EBF1: variants seen among roughly 807,000 people sequenced by gnomAD.
EBF1 encodes the protein transcription factor COE1.
A neutral mutation model predicts 68.4 loss-of-function variants in EBF1; 10 were observed. That is an observed-to-expected ratio of 0.15 (90% CI 0.09 to 0.25). The LOEUF is 0.25. EBF1 is among the 10% of genes least tolerant of loss of function. The pLI is 1.00. For synonymous variants in EBF1, 298 were observed against 299.8 expected (o/e 0.99, Z 0.06); for missense variants, 509 against 794.4 (o/e 0.64, Z 4.32).
intron 8 of EBF1, among the ~76,000 whole-genome samples, chr5:158,803,691 T>C (rs936606482): frequency 6.6e-6 from 1 of 151,794 alleles, no homozygotes. Flanking sequence ...AACAAACAAA[T>C]TTGACAGTTT....
At position 159,035,459 on chromosome 5, in the gene EBF1, G is replaced by A. The variant is rs76318710; in HGVS notation, c.554+37937C>T. ...GTTAAGTTATCAGCAGAAATTTGAC[G>A]TTATAAATCACAGGATTGAAGGATC... On this transcript the variant is annotated intron_variant, in intron 6 of 15. Transcript: ENST00000313708. Among the ~76,000 whole-genome samples, 1,195 of 152,296 alleles carry A rather than the reference G, an allele frequency of 7.8e-3. 21 individuals carry two copies. Among genetic ancestry groups the A allele is most frequent in the African/African-American group, 0.027 (1,127 of 41,568 alleles).
intron 6 of EBF1, among the ~76,000 whole-genome samples, chr5:158,959,692 A>T (rs1225390730): frequency 6.6e-6 from 1 of 152,168 alleles, no homozygotes; most frequent in Non-Finnish European, 1.5e-5. Context: ...TACTTTCAAG[A>T]TAGAAAGACT....
chr5:158,876,506 G>A (rs1018009731), intron 6 of EBF1, among the ~76,000 whole-genome samples: 1 of 152,176 alleles, frequency 6.6e-6, no homozygotes, highest in Non-Finnish European at 1.5e-5. Flanking sequence ...CGGTCTCACT[G>A]AGCCTGCTGC....
intron 6 of EBF1, among the ~76,000 whole-genome samples, chr5:158,907,296 T>C (rs1167881257): frequency 6.6e-6 from 1 of 152,218 alleles, no homozygotes; most frequent in Non-Finnish European, 1.5e-5. Flanking sequence ...TATGGTGTTC[T>C]TAGCTCTAAA....
chr5:159,096,856 C>T (rs1782715352), intron 2 of EBF1, 118 bp downstream of exon 2: 3 of 1,329,162 alleles, frequency 2.3e-6, no homozygotes, highest in African/African-American at 1.5e-5. Flanking sequence ...TGGGGGACCC[C>T]CACATAGAAG....
chr5:159,026,203 TA>T (rs1767688444), intron 6 of EBF1, among the ~76,000 whole-genome samples: 1 of 152,136 alleles, frequency 6.6e-6, no homozygotes, highest in Non-Finnish European at 1.5e-5. Context: ...TTCACAACCC[TA>T]AAAGGTCATG....
chr5:158,882,814 C>A (rs865931505), intron 6 of EBF1, among the ~76,000 whole-genome samples: 1 of 152,206 alleles, frequency 6.6e-6, no homozygotes, highest in Non-Finnish European at 1.5e-5. Context: ...TACACACCAT[C>A]GAGCACCTCG....
chr5:158,978,827 C>CAG (rs1441223996), intron 6 of EBF1, among the ~76,000 whole-genome samples: 2 of 147,788 alleles, frequency 1.4e-5, no homozygotes, highest in African/African-American at 5.2e-5. Context: ...CACACACACA[C>CAG]ACACACACAG....
intron 6 of EBF1, among the ~76,000 whole-genome samples, chr5:158,891,647 T>G (rs1801205692): frequency 6.6e-6 from 1 of 152,170 alleles, no homozygotes; most frequent in South Asian, 2.1e-4. Context: ...TCTATGTGTA[T>G]ATATGTGTGT....
chr5:159,084,767 A>G (rs1228426762), intron 4 of EBF1, 28 bp from the exon 5 acceptor site: 5 of 1,561,660 alleles, frequency 3.2e-6, no homozygotes, highest in African/African-American at 1.4e-5. Context: ...GTTTTAGCTA[A>G]GAATGGAAAG....
chr5:158,943,246 T>A (rs1484384235), intron 6 of EBF1, among the ~76,000 whole-genome samples: 1 of 151,902 alleles, frequency 6.6e-6, no homozygotes, highest in Non-Finnish European at 1.5e-5. Context: ...TAGACAGTCT[T>A]TAGGGAATCT....
intron 14 of EBF1, among the ~76,000 whole-genome samples, chr5:158,711,559 T>C (rs746453475): frequency 2.6e-5 from 4 of 152,228 alleles, no homozygotes; most frequent in Admixed American, 1.3e-4. Flanking sequence ...ATGAACTTGA[T>C]TCCTTTTATG....
chr5:159,022,854 C>G (rs1435051613), intron 6 of EBF1, among the ~76,000 whole-genome samples: 1 of 151,980 alleles, frequency 6.6e-6, no homozygotes, highest in Non-Finnish European at 1.5e-5. Context: ...GCAAGAAGAG[C>G]CTTCAATGCA....
At chr5:158,854,495 A>G (rs1398349336) in intron 6 of EBF1, among the ~76,000 whole-genome samples, 9 of 152,254 alleles carry the variant, frequency 5.9e-5, no homozygotes, top group African/African-American at 1.9e-4. Context: ...AAGGCAGTGC[A>G]TATTTACCAG....
At chr5:159,007,330 AT>A (rs772223888) in intron 6 of EBF1, among the ~76,000 whole-genome samples, 61 of 152,370 alleles carry the variant, frequency 4.0e-4, no homozygotes, top group Middle Eastern at 6.8e-3. Context: ...ACCAAAAAAA[AT>A]AAACATGCTT....
At chr5:158,775,391 C>CA (rs1561889758) in intron 10 of EBF1, among the ~76,000 whole-genome samples, 1 of 151,984 alleles carries the variant, frequency 6.6e-6, no homozygotes, top group Non-Finnish European at 1.5e-5. Flanking sequence ...GACCTGACCA[C>CA]AAAATGGAAC....
chr5:159,030,619 AG>A (rs1768596767), intron 6 of EBF1, among the ~76,000 whole-genome samples: 1 of 152,164 alleles, frequency 6.6e-6, no homozygotes, highest in Non-Finnish European at 1.5e-5. Context: ...AGAAGGAGCA[AG>A]GGGAGCAAGA....
intron 6 of EBF1, among the ~76,000 whole-genome samples, chr5:158,955,091 G>A (rs553343910): frequency 1.2e-4 from 18 of 152,238 alleles, no homozygotes; most frequent in East Asian, 3.9e-4. Flanking sequence ...TTGGGAGGCC[G>A]AGGAGGGCGG....
intron 4 of EBF1, 52 bp downstream of exon 4, chr5:159,095,568 C>T: frequency 1.2e-6 from 2 of 1,604,518 alleles, no homozygotes; most frequent in Non-Finnish European, 1.7e-6. Context: ...TTCTTGACTG[C>T]CCTGAATTTT....
Sources: allele counts gnomAD v4.1 joint callset (sites outside exome capture counted in the v4.1 genomes callset), GRCh38; gene constraint gnomAD v4.1.1; transcripts MANE v1.5; gene names NCBI Gene and HGNC (gene_info 2026-07-23, HGNC 2026-07-21).